RASSF3: variants seen among roughly 807,000 people sequenced by gnomAD.
RASSF3 encodes Ras association domain family member 3.
RASSF3 carries 19 observed loss-of-function variants against 19.9 expected under a neutral mutation model. That is an observed-to-expected ratio of 0.96 (90% confidence interval 0.67 to 1.40). RASSF3 has a LOEUF of 1.40. Ranked by LOEUF, RASSF3 falls within the 40% of genes most tolerant of loss-of-function variation. RASSF3 has a pLI of 0.00. For missense variants in RASSF3, 306 were observed against 289.8 expected, an observed-to-expected ratio of 1.06 and a Z score of -0.41; for synonymous variants, 110 against 104.2, an observed-to-expected ratio of 1.06 and a Z score of -0.34.
At chr12:64,537,269 G>C (rs4964089) in intron 1 of RASSF3, among the ~76,000 whole-genome samples, 23,047 of 152,000 alleles carry the variant, frequency 0.15, 2,269 homozygotes, top group African/African-American at 0.28. Flanking sequence ...TCCAACTCTG[G>C]AACATTCTAG....
chr12:64,569,718 C>A (rs1251206327), intron 2 of RASSF3, among the ~76,000 whole-genome samples: 3 of 152,234 alleles, frequency 2.0e-5, no homozygotes, highest in Non-Finnish European at 4.4e-5. Context: ...GTAATCCCAG[C>A]ACTTTGGGAG....
chr12:64,588,706 G>T (rs1359095079), intron 2 of RASSF3, among the ~76,000 whole-genome samples: 1 of 151,784 alleles, frequency 6.6e-6, no homozygotes, highest in Non-Finnish European at 1.5e-5. Flanking sequence ...CTTTGCATTA[G>T]TTATCTTTAA....
At chr12:64,643,112 C>T (rs777929454) in intron 1 of RASSF3, among the ~76,000 whole-genome samples, 7 of 151,832 alleles carry the variant, frequency 4.6e-5, no homozygotes, top group African/African-American at 1.7e-4. Flanking sequence ...CCTCCCCACC[C>T]GCCTCACCCT....
In RASSF3 at chr12:64,651,195, T is replaced by TA. The variant is rs199873786; in HGVS notation, c.112-33583dup. ...TGTGCCTCTCTCGTGTCCCCTCTTT[T>TA]AAAAAAAAATTTAGTTACAACTAAA... is the stretch of plus-strand genomic sequence containing the variant. On this transcript the variant is annotated intron_variant, in intron 1 of 4. Coordinates refer to ENST00000542104, the MANE Select transcript of RASSF3 (RefSeq NM_178169.4). 1.6e-3 allele frequency among the ~76,000 whole-genome samples: 238 copies of TA among 151,936 alleles called. 2 individuals are homozygous for TA. Among genetic ancestry groups the TA allele is most frequent in the African/African-American group, 5.5e-3 (230 of 41,462 alleles).
intron 1 of RASSF3, among the ~76,000 whole-genome samples, chr12:64,666,119 A>G (rs958397631): frequency 1.3e-5 from 2 of 152,226 alleles, no homozygotes; most frequent in Non-Finnish European, 2.9e-5. Context: ...TTTGTGCTTA[A>G]TTTATTGCCT....
At chr12:64,656,076 G>T (rs1404591523) in intron 1 of RASSF3, among the ~76,000 whole-genome samples, 1 of 151,360 alleles carries the variant, frequency 6.6e-6, no homozygotes, top group Admixed American at 6.6e-5. Context: ...CCCTAACTTG[G>T]ATCTCAGGTT....
chr12:64,619,737 A>G lies in RASSF3; in HGVS notation c.111+8994A>G, dbSNP rs1402836601. On this transcript the variant is annotated intron_variant, in intron 1 of 4. Coordinates refer to ENST00000542104, the MANE Select transcript of RASSF3 (RefSeq NM_178169.4). ...TGGCTCACGCCTGTAATCCCAGCAC[A>G]TTGGGAGGCCAAGGCGGGCGGATCA... Among the ~76,000 whole-genome samples the G allele has an allele frequency of 2.0e-5, 3 of 152,122 alleles. No homozygotes were observed. The South Asian group carries it at 6.2e-4, about 32-fold the overall frequency.
At chr12:64,646,850 A>AG (rs1871753843) in intron 1 of RASSF3, among the ~76,000 whole-genome samples, 1 of 151,902 alleles carries the variant, frequency 6.6e-6, no homozygotes, top group Non-Finnish European at 1.5e-5. Flanking sequence ...GCGGTTACTG[A>AG]GGGCCTCCTC....
At position 64,610,835 on chromosome 12, in the gene RASSF3, G is replaced by A. The variant is rs961889160; in HGVS notation, c.111+92G>A. 6 of 655,092 alleles carry A rather than the reference G, an allele frequency of 9.2e-6. No homozygotes were observed. In the African/African-American group the frequency reaches 1.2e-4, roughly 13 times the overall value. 40.6% of individuals were successfully genotyped at this position (655,092 alleles called of 1,614,324 possible). A position where few individuals can be genotyped will look rare whatever the true frequency, so the allele number is the denominator to read the frequency against. ...CCCCTGCCTCCACGTGTCTCTGCGG[G>A]GCGCTCGGGGGATGCTCGCCGGGAA... On this transcript the variant is annotated intron_variant, in intron 1 of 4. Transcript: ENST00000542104.
intron 4 of RASSF3, among the ~76,000 whole-genome samples, chr12:64,691,890 C>T (rs1868292303): frequency 6.6e-6 from 1 of 152,058 alleles, no homozygotes; most frequent in African/African-American, 2.4e-5. Context: ...TCACCCCTTC[C>T]CACCTCCAAA....
chr12:64,508,802 C>G (rs1360516963), intron 1 of RASSF3, among the ~76,000 whole-genome samples: 1 of 151,828 alleles, frequency 6.6e-6, no homozygotes, highest in Admixed American at 6.6e-5. Flanking sequence ...GAGAATTGCT[C>G]GAAAACCCAG....
upstream of RASSF3, among the ~76,000 whole-genome samples, chr12:64,530,080 C>T (rs1352999389): frequency 6.6e-6 from 1 of 152,086 alleles, no homozygotes; most frequent in Non-Finnish European, 1.5e-5. Context: ...TCCCCAGGTC[C>T]CTTTGTAATC....
At chr12:64,619,785 A>G (rs12296749) in intron 1 of RASSF3, among the ~76,000 whole-genome samples, 28,526 of 151,716 alleles carry the variant, frequency 0.19, 2,917 homozygotes, top group South Asian at 0.26. Flanking sequence ...TTCAAGACTA[A>G]CCTGGCCAAT....
At chr12:64,691,366 G>A in intron 3 of RASSF3, 104 bp from the exon 4 acceptor site, 2 of 748,420 alleles carry the variant, frequency 2.7e-6, no homozygotes, top group Non-Finnish European at 2.4e-6. Flanking sequence ...AGAGGCTGGG[G>A]TAACTTGGAT....
upstream of RASSF3, among the ~76,000 whole-genome samples, chr12:64,606,125 A>C (rs989260789): frequency 2.0e-5 from 3 of 152,218 alleles, no homozygotes; most frequent in Admixed American, 1.3e-4. Context: ...TTCTTTTAAA[A>C]GTGAGGAACA....
chr12:64,543,006 C>G (rs1029369316), downstream of RASSF3, among the ~76,000 whole-genome samples: 4 of 143,402 alleles, frequency 2.8e-5, no homozygotes, highest in Non-Finnish European at 6.0e-5. Flanking sequence ...TGGCGGGGCC[C>G]CGCACTTGGA....
At chr12:64,542,800 G>A (rs959866580), downstream of RASSF3, among the ~76,000 whole-genome samples, 4 of 152,170 alleles carry the variant, frequency 2.6e-5, no homozygotes, top group Non-Finnish European at 4.4e-5. Flanking sequence ...CGCTCTTGGC[G>A]CCTCCTCGGC....
chr12:64,678,567 G>A (rs189032800), intron 1 of RASSF3, among the ~76,000 whole-genome samples: 1 of 145,390 alleles, frequency 6.9e-6, no homozygotes, highest in African/African-American at 2.6e-5. Flanking sequence ...CAGAGCATCT[G>A]TGCTATTAAT....
At chr12:64,657,901 C>G (rs1872216019) in intron 1 of RASSF3, among the ~76,000 whole-genome samples, 1 of 151,862 alleles carries the variant, frequency 6.6e-6, no homozygotes, top group Non-Finnish European at 1.5e-5. Flanking sequence ...TGGGCGAGAC[C>G]TCATCTCTAC....
Sources: gnomAD v4.1 joint callset for allele counts (sites outside exome capture counted in the v4.1 genomes callset) on GRCh38, gnomAD v4.1.1 for gene constraint, MANE v1.5 for transcripts, NCBI Gene and HGNC (gene_info 2026-07-23, HGNC 2026-07-21) for gene names.